LAMA1: variants seen among roughly 807,000 people sequenced by gnomAD.
LAMA1 encodes laminin subunit alpha-1.
A neutral mutation model predicts 348.7 loss-of-function variants in LAMA1; 219 were observed. The observed-to-expected ratio is 0.63, with a 90% CI of 0.56 to 0.70. LAMA1 has a LOEUF of 0.70. Ranked by LOEUF, LAMA1 falls within the 30% of genes least tolerant of loss-of-function variation. The probability of loss-of-function intolerance (pLI) is 0.00; values close to 1 mark genes in which losing one functional copy is unlikely to be tolerated. For missense variants in LAMA1, 3,744 were observed against 3,888.0 expected (o/e 0.96, Z 0.99); for synonymous variants, 1,487 against 1,491.0 (o/e 1.00, Z 0.06).
chr18:6,991,389 C>CA (rs1284446108), intron 36 of LAMA1, among the ~76,000 whole-genome samples: 21 of 118,478 alleles, frequency 1.8e-4, no homozygotes, highest in Admixed American at 9.4e-4. Context: ...ACTTCTTCTT[C>CA]TTTTTTTTTT....
At position 6,942,141 on chromosome 18, in the gene LAMA1, A is replaced by T; in HGVS notation, c.9166T>A (p.Phe3056Ile). Reference sequence around the variant, plus strand: ...CCGTGCAGTTCGAACGCTCTGCTGAAGTCAAAGGACTGCACCTGCGGGCTC... The same window carrying T: ...CCGTGCAGTTCGAACGCTCTGCTGATGTCAAAGGACTGCACCTGCGGGCTC... ...IKSPQVQSFDFSRAFELHGVF... is the reference protein window; with the variant it reads ...IKSPQVQSFDISRAFELHGVF... Residue 3056 changes from phenylalanine (F) to isoleucine (I), a missense_variant, in exon 63 of 63, where the codon TTC becomes ATC. By Grantham distance (21) the Phe-to-Ile change is conservative. Coordinates refer to ENST00000389658, the MANE Select transcript of LAMA1 (RefSeq NM_005559.4). 1 of 1,614,192 alleles carries T rather than the reference A, an allele frequency of 6.2e-7. No individual in the cohort carries two copies. Among genetic ancestry groups the T allele is most frequent in the Non-Finnish European group, 8.5e-7 (1 of 1,180,040 alleles).
chr18:7,016,638 A>C lies in LAMA1; in HGVS notation c.2842T>G (p.Cys948Gly). The change falls in exon 21 of 63, where the codon TGC becomes GGC. Residue 948 changes from cysteine to glycine, a missense_variant. Transcript: ENST00000389658. ...GCCACGCTGCAGTTGCAGGGCCGGC[A>C]GCCATGGCCTGAGTCCAGCCCATAA... ...GYYGLDSGHG[C>G]RPCNCSVAGS... is the part of the protein sequence containing the mutation. The C allele has an allele frequency of 6.2e-7, 1 of 1,613,994 alleles. No individual in the cohort carries two copies. The highest frequency in any genetic ancestry group is 8.5e-7 in the Non-Finnish European group (1 of 1,179,972).
chr18:7,013,179 C>T (rs1170692970), intron 23 of LAMA1, among the ~76,000 whole-genome samples: 1 of 151,644 alleles, frequency 6.6e-6, no homozygotes, highest in Admixed American at 6.6e-5. Context: ...TAAATAAGGC[C>T]GAAAACGGGG....
At chr18:7,108,246 G>A (rs1341825738) in intron 1 of LAMA1, among the ~76,000 whole-genome samples, 3 of 151,944 alleles carry the variant, frequency 2.0e-5, no homozygotes, top group Admixed American at 2.0e-4. Flanking sequence ...TGAGGCAGGA[G>A]AATCACTTGA....
intron 1 of LAMA1, among the ~76,000 whole-genome samples, chr18:7,116,117 A>T (rs1272215209): frequency 6.6e-6 from 1 of 152,236 alleles, no homozygotes; most frequent in African/African-American, 2.4e-5. Flanking sequence ...ATCTCAAAGC[A>T]GGAAAGCCCC....
At chr18:7,038,569 G>T (rs967713658) in intron 11 of LAMA1, 2 of 586,422 alleles carry the variant, frequency 3.4e-6, no homozygotes, top group Non-Finnish European at 3.0e-6. Flanking sequence ...GAAACAAGAC[G>T]TGTTCTCTAG....
At chr18:7,107,540 G>A (rs1318096482) in intron 1 of LAMA1, among the ~76,000 whole-genome samples, 3 of 152,146 alleles carry the variant, frequency 2.0e-5, no homozygotes, top group Non-Finnish European at 4.4e-5. Context: ...GGGCTCTCCA[G>A]ACACACTACC....
rs1312652646 is a variant in LAMA1 at position 6,966,133 on chromosome 18, A to G, written c.7050+14T>C. On this transcript the variant is annotated intron_variant, in intron 49 of 62. Transcript: ENST00000389658. The stretch of plus-strand genomic sequence containing the variant: ...TGTATACAGTAGGGCCTAGGGCCGC[A>G]CAAACACTCTTACTGTGCCGTATGA... 1.2e-6 allele frequency: 2 copies of G among 1,614,072 alleles called. No homozygotes were observed.
At chr18:7,088,092 G>A (rs887576612) in intron 1 of LAMA1, among the ~76,000 whole-genome samples, 16 of 152,146 alleles carry the variant, frequency 1.1e-4, no homozygotes, top group Admixed American at 3.3e-4. Flanking sequence ...CACATACCTC[G>A]AAATAGAAGA....
intron 8 of LAMA1, 48 bp downstream of exon 8, chr18:7,043,179 A>T (rs750888249): frequency 6.3e-7 from 1 of 1,594,744 alleles, no homozygotes; most frequent in Non-Finnish European, 8.6e-7. Flanking sequence ...TCTCTTTTCC[A>T]CCTGGGGAAG....
In LAMA1 at chr18:7,081,757, C is replaced by A. The variant is rs557549175; in HGVS notation, c.62-1300G>T. ...TGAAGAGACATTCTCCAGGCATGGA[C>A]ACTGAGCTGAGAGCATACTGCGAGG... is the stretch of plus-strand genomic sequence containing the variant. On this transcript the variant is annotated intron_variant, in intron 1 of 62. Coordinates refer to ENST00000389658, the MANE Select transcript of LAMA1 (RefSeq NM_005559.4). Among the ~76,000 whole-genome samples, 5 of 152,316 alleles carry A rather than the reference C, an allele frequency of 3.3e-5. No individual in the cohort carries two copies. In the East Asian group the frequency reaches 9.7e-4, roughly 29 times the overall value.
chr18:6,999,028 AT>A lies in LAMA1; in HGVS notation c.4663+416del, dbSNP rs926041323. 6.1e-4 allele frequency among the ~76,000 whole-genome samples: 93 copies of A among 151,234 alleles called. 1 individual carries two copies. The highest frequency in any genetic ancestry group is 3.4e-3 in the Middle Eastern group (1 of 292). ...AGCCTGGGGGACAGAGCAAGACTCC[AT>A]TTTTTTGTTTTTGTTTTTTTTTTAA... On this transcript the variant is annotated intron_variant, in intron 32 of 62. Coordinates refer to ENST00000389658, the MANE Select transcript of LAMA1 (RefSeq NM_005559.4).
chr18:7,077,083 G>T (rs1025223191), intron 3 of LAMA1, among the ~76,000 whole-genome samples: 1 of 151,542 alleles, frequency 6.6e-6, no homozygotes, highest in Non-Finnish European at 1.5e-5. Flanking sequence ...AAATGGTAAA[G>T]AAATTTCTGA....
intron 16 of LAMA1, 54 bp from the exon 17 acceptor site, chr18:7,026,160 T>C (rs1025424769): frequency 6.3e-7 from 1 of 1,590,176 alleles, no homozygotes; most frequent in African/African-American, 1.3e-5. Context: ...GATTTTCAGA[T>C]TTATCTATAA....
chr18:7,022,658 T>C (rs1193516656), intron 19 of LAMA1, among the ~76,000 whole-genome samples: 1 of 152,236 alleles, frequency 6.6e-6, no homozygotes, highest in Non-Finnish European at 1.5e-5. Flanking sequence ...CGATCCATAA[T>C]TTCAAGGATC....
chr18:7,088,417 T>TA (rs1442347712), intron 1 of LAMA1, among the ~76,000 whole-genome samples: 1 of 152,170 alleles, frequency 6.6e-6, no homozygotes, highest in African/African-American at 2.4e-5. Flanking sequence ...ACGGGTTATG[T>TA]AAAAAATGAG....
chr18:7,067,841 G>A (rs7228702), intron 3 of LAMA1, among the ~76,000 whole-genome samples: 22,122 of 151,306 alleles, frequency 0.15, 5,390 homozygotes, highest in African/African-American at 0.51. Flanking sequence ...CCCTTCCTCC[G>A]GTGGGTCCTT....
At chr18:6,988,930 ATGG>A (rs2057747372) in intron 36 of LAMA1, among the ~76,000 whole-genome samples, 2 of 4,376 alleles carry the variant, frequency 4.6e-4, no homozygotes, top group Non-Finnish European at 6.1e-4. Flanking sequence ...GGCGGGCTGG[ATGG>A]AGTCTGCTCT....
chr18:7,098,184 G>C (rs1216916561), intron 1 of LAMA1, among the ~76,000 whole-genome samples: 1 of 151,960 alleles, frequency 6.6e-6, no homozygotes, highest in Non-Finnish European at 1.5e-5. Flanking sequence ...GCAGTGGCGT[G>C]ATCTCGGCTC....
Sources: allele counts gnomAD v4.1 joint callset (sites outside exome capture counted in the v4.1 genomes callset), GRCh38; gene constraint gnomAD v4.1.1; transcripts MANE v1.5; gene names NCBI Gene and HGNC (gene_info 2026-07-23, HGNC 2026-07-21).